Variants in MPP7 observed in about 807,000 individuals in gnomAD.
MPP7 encodes the protein MAGUK p55 subfamily member 7.
A neutral mutation model predicts 76.5 loss-of-function variants in MPP7; 60 were observed. The ratio of observed to expected loss-of-function variants is 0.78; its 90% CI spans 0.64 to 0.97. The LOEUF is 0.97. MPP7 is among the 50% of genes least tolerant of loss of function. MPP7 has a pLI of 0.00. For missense variants in MPP7, 641 were observed against 694.0 expected (o/e 0.92, Z 0.86); for synonymous variants, 237 against 244.5 (o/e 0.97, Z 0.29).
intron 12 of MPP7, among the ~76,000 whole-genome samples, chr10:28,086,279 A>G (rs929374421): frequency 5.3e-5 from 8 of 152,168 alleles, no homozygotes; most frequent in Non-Finnish European, 8.8e-5. Context: ...TATTCTGTAC[A>G]TGTATCCCAG....
intron 3 of MPP7, among the ~76,000 whole-genome samples, chr10:28,197,181 CTTT>C (rs11330044): frequency 5.2e-5 from 6 of 115,220 alleles, no homozygotes; most frequent in Admixed American, 2.9e-4. Flanking sequence ...GAGCAACTTC[CTTT>C]TTTTTTTTTT....
At position 28,088,586 on chromosome 10, in the gene MPP7, C is replaced by A. The variant is rs4399242; in HGVS notation, c.1123+1085G>T. Among the ~76,000 whole-genome samples, 5 of 151,916 alleles carry A rather than the reference C, an allele frequency of 3.3e-5. No individual in the cohort carries two copies. In the South Asian group the frequency reaches 6.2e-4, roughly 19 times the overall value. ...CTGTGGAACTGTGAGTCAATTAAAC[C>A]TCTTTTCTTCATAAATTACCCAGTC... On this transcript the variant is annotated intron_variant, in intron 12 of 16. Transcript: ENST00000683449.
At chr10:28,257,693 C>T (rs1050806723) in intron 1 of MPP7, among the ~76,000 whole-genome samples, 1 of 148,040 alleles carries the variant, frequency 6.8e-6, no homozygotes, top group African/African-American at 2.5e-5. Flanking sequence ...CATGTATACA[C>T]ATGTAACTAA....
At chr10:28,261,129 T>C (rs941849149) in intron 1 of MPP7, among the ~76,000 whole-genome samples, 2 of 152,362 alleles carry the variant, frequency 1.3e-5, no homozygotes, top group African/African-American at 4.8e-5. Context: ...GTCTCTGTAG[T>C]TCTCTTTCCA....
intron 12 of MPP7, among the ~76,000 whole-genome samples, chr10:28,088,707 G>T (rs904977974): frequency 1.2e-4 from 18 of 152,252 alleles, no homozygotes; most frequent in African/African-American, 3.6e-4. Context: ...TTTGATCCTG[G>T]AAGTTTAAAT....
At chr10:28,197,825 T>C (rs1837638053) in intron 3 of MPP7, among the ~76,000 whole-genome samples, 1 of 152,160 alleles carries the variant, frequency 6.6e-6, no homozygotes, top group Non-Finnish European at 1.5e-5. Context: ...GGATACCCCA[T>C]TTACCCTGAT....
At chr10:28,240,315 G>A (rs968064251) in intron 1 of MPP7, among the ~76,000 whole-genome samples, 1 of 152,112 alleles carries the variant, frequency 6.6e-6, no homozygotes, top group East Asian at 1.9e-4. Context: ...GCAGAATAAA[G>A]AGAAATGAAC....
At chr10:28,119,938 T>G (rs1217556556) in intron 10 of MPP7, among the ~76,000 whole-genome samples, 1 of 151,970 alleles carries the variant, frequency 6.6e-6, no homozygotes, top group African/African-American at 2.4e-5. Flanking sequence ...ACCTTTCATA[T>G]CAACATGGTT....
At position 28,118,653 on chromosome 10, in the gene MPP7, G is replaced by T. The variant is rs113817617; in HGVS notation, c.952+998C>A. 9 of 985,192 alleles carry T rather than the reference G, an allele frequency of 9.1e-6. No individual in the cohort carries two copies. The African/African-American group carries it at 1.0e-4, about 11-fold the overall frequency. 61.0% of individuals were successfully genotyped at this position (985,192 alleles called of 1,614,324 possible). On this transcript the variant is annotated intron_variant, in intron 11 of 16. Transcript: ENST00000683449. Reference sequence around the variant, plus strand: ...AAGACTTGTAGCATTCTGTGACAAGGGTTTTTTTCCTTGTGCCTAGACTTA... The same window carrying T: ...AAGACTTGTAGCATTCTGTGACAAGTGTTTTTTTCCTTGTGCCTAGACTTA...
At chr10:28,241,944 C>G (rs1185055463) in intron 1 of MPP7, among the ~76,000 whole-genome samples, 1 of 152,090 alleles carries the variant, frequency 6.6e-6, no homozygotes, top group Non-Finnish European at 1.5e-5. Flanking sequence ...AATTTCTACC[C>G]ACTCTGGGTA....
intron 3 of MPP7, among the ~76,000 whole-genome samples, chr10:28,171,303 A>C (rs781706963): frequency 1.3e-5 from 2 of 152,242 alleles, no homozygotes; most frequent in Non-Finnish European, 2.9e-5. Flanking sequence ...AAAGAAAATG[A>C]AAATTAATGA....
chr10:28,149,931 G>A, intron 4 of MPP7, 51 bp downstream of exon 4: 1 of 1,433,938 alleles, frequency 7.0e-7, no homozygotes. Context: ...GTTCTGCCTG[G>A]GCCAGGTCTG....
chr10:28,175,165 C>G (rs1326794432), intron 3 of MPP7, among the ~76,000 whole-genome samples: 2 of 151,976 alleles, frequency 1.3e-5, no homozygotes, highest in African/African-American at 4.8e-5. Context: ...TGATGCGCAC[C>G]TATAGTCCCA....
chr10:28,089,743 C>T lies in MPP7; in HGVS notation c.1051G>A (p.Val351Ile), dbSNP rs768470715. 14 of 1,613,638 alleles carry T rather than the reference C, an allele frequency of 8.7e-6. No homozygotes were observed. Among genetic ancestry groups the T allele is most frequent in the South Asian group, 4.4e-5 (4 of 91,030 alleles). The change falls in exon 12 of 17, where the codon GTA (valine) becomes ATA (isoleucine). Residue 351 changes from valine to isoleucine, a missense_variant. Physicochemically the swap from Val to Ile is conservative, Grantham distance 29. Coordinates refer to ENST00000683449, the MANE Select transcript of MPP7 (RefSeq NM_001318170.2). ...KKSDQYDTAD[V>I]PTYEEVTPYR... The stretch of plus-strand genomic sequence containing the variant: ...GGTGTCACTTCTTCGTATGTGGGTA[C>T]GTCAGCTGTGTCGTACTGATCACTC...
At chr10:28,274,395 G>A (rs973451807) in intron 1 of MPP7, among the ~76,000 whole-genome samples, 7 of 151,794 alleles carry the variant, frequency 4.6e-5, no homozygotes, top group Non-Finnish European at 8.8e-5. Flanking sequence ...CACCGCGCCC[G>A]GCCAAAATTT....
intron 2 of MPP7, among the ~76,000 whole-genome samples, chr10:28,214,000 T>C (rs1838231848): frequency 6.6e-6 from 1 of 152,144 alleles, no homozygotes; most frequent in Non-Finnish European, 1.5e-5. Context: ...GAGCCTTCTA[T>C]AGTAGGATCC....
intron 5 of MPP7, among the ~76,000 whole-genome samples, chr10:28,139,532 A>AAC (rs1279724433): frequency 2.0e-5 from 3 of 151,898 alleles, no homozygotes; most frequent in African/African-American, 2.4e-5. Context: ...CATACACACA[A>AAC]ACACACACAC....
At chr10:28,096,647 T>C (rs1481930098) in intron 11 of MPP7, among the ~76,000 whole-genome samples, 1 of 152,240 alleles carries the variant, frequency 6.6e-6, no homozygotes, top group Non-Finnish European at 1.5e-5. Flanking sequence ...ATATCTTTCC[T>C]TTGTGATTCC....
At chr10:28,330,817 G>C (rs568845858) in intron 1 of MPP7, among the ~76,000 whole-genome samples, 9 of 152,122 alleles carry the variant, frequency 5.9e-5, no homozygotes, top group Non-Finnish European at 1.3e-4. Context: ...ACTATGCCTG[G>C]TTAATTTTTT....
Sources: allele counts gnomAD v4.1 joint callset (sites outside exome capture counted in the v4.1 genomes callset), GRCh38; gene constraint gnomAD v4.1.1; transcripts MANE v1.5; gene names NCBI Gene and HGNC (gene_info 2026-07-23, HGNC 2026-07-21).